PPP2R2B: variants seen among roughly 807,000 people sequenced by gnomAD.
PPP2R2B encodes the protein serine/threonine-protein phosphatase 2A 55 kDa regulatory subunit B beta isoform.
A neutral mutation model predicts 46.0 loss-of-function variants in PPP2R2B; 5 were observed. The observed-to-expected ratio is 0.11, with a 90% CI of 0.06 to 0.23. The LOEUF is 0.23. PPP2R2B is among the 10% of genes least tolerant of loss of function. The pLI, the probability that PPP2R2B is intolerant of heterozygous loss-of-function variation, is 1.00. For synonymous variants in PPP2R2B, 215 were observed against 206.7 expected (o/e 1.04, Z -0.34); for missense variants, 367 against 575.0 (o/e 0.64, Z 3.70).
chr5:147,051,355 C>A (rs1457740986), intron 1 of PPP2R2B, among the ~76,000 whole-genome samples: 1 of 152,246 alleles, frequency 6.6e-6, no homozygotes, highest in South Asian at 2.1e-4. Flanking sequence ...GGGACAGGCA[C>A]AGCCCTTAGC....
intron 2 of PPP2R2B, among the ~76,000 whole-genome samples, chr5:146,837,357 A>G (rs1049120211): frequency 2.0e-5 from 3 of 152,228 alleles, no homozygotes; most frequent in Admixed American, 6.5e-5. Flanking sequence ...CGTGTATTAA[A>G]TGCATTTTTT....
chr5:146,671,145 A>G (rs1424965120), intron 5 of PPP2R2B, among the ~76,000 whole-genome samples: 1 of 152,222 alleles, frequency 6.6e-6, no homozygotes, highest in African/African-American at 2.4e-5. Flanking sequence ...ATTCAATATT[A>G]CTTACAGTTG....
chr5:146,811,727 ATTTTTTTT>A (rs1163716544), intron 2 of PPP2R2B, among the ~76,000 whole-genome samples: 29 of 121,248 alleles, frequency 2.4e-4, no homozygotes, highest in African/African-American at 8.7e-4. Flanking sequence ...CGCCCGGCTA[ATTTTTTTT>A]TTTTTTTTTT....
intron 7 of PPP2R2B, among the ~76,000 whole-genome samples, chr5:146,636,302 G>T (rs1341212959): frequency 4.6e-5 from 7 of 152,148 alleles, no homozygotes; most frequent in Admixed American, 4.6e-4. Flanking sequence ...GGAAGCCATA[G>T]GATAAATGTT....
chr5:146,731,592 C>A (rs1740564193), intron 2 of PPP2R2B, among the ~76,000 whole-genome samples: 1 of 152,130 alleles, frequency 6.6e-6, no homozygotes, highest in Non-Finnish European at 1.5e-5. Context: ...AGGGTCAAAG[C>A]ACATTTCTGC....
At position 146,817,789 on chromosome 5, in the gene PPP2R2B, A is replaced by T. The variant is rs138132462; in HGVS notation, c.70+60213T>A. On this transcript the variant is annotated intron_variant, in intron 2 of 9. Coordinates refer to ENST00000394411, the MANE Select transcript of PPP2R2B (RefSeq NM_181675.4). ...CACTTTACATCTCTCATCTAGGCTC[A>T]GTTTCATTTCTTTGACCAACGGTCA... Among the ~76,000 whole-genome samples, 177 of 152,340 alleles carry T rather than the reference A, an allele frequency of 1.2e-3. 2 individuals are homozygous for T. Among genetic ancestry groups the T allele is most frequent in the African/African-American group, 3.8e-3 (156 of 41,580 alleles).
At chr5:146,993,680 T>C (rs1421257434) in intron 1 of PPP2R2B, among the ~76,000 whole-genome samples, 2 of 152,210 alleles carry the variant, frequency 1.3e-5, no homozygotes, top group African/African-American at 4.8e-5. Flanking sequence ...GTAAAAATGA[T>C]GGCTATAGTA....
intron 2 of PPP2R2B, among the ~76,000 whole-genome samples, chr5:146,855,860 C>G (rs1760627109): frequency 1.3e-5 from 2 of 152,280 alleles, no homozygotes; most frequent in Middle Eastern, 3.4e-3. Context: ...CTAGCAGAAG[C>G]CTTCATGCTA....
chr5:146,925,391 G>A (rs1358844428), intron 1 of PPP2R2B, among the ~76,000 whole-genome samples: 1 of 152,102 alleles, frequency 6.6e-6, no homozygotes. Flanking sequence ...CCTCATTTTT[G>A]AAGGATAGTT....
intron 5 of PPP2R2B, 110 bp downstream of exon 5, chr5:146,691,018 G>GTTCC: frequency 2.3e-6 from 2 of 855,650 alleles, no homozygotes; most frequent in Non-Finnish European, 3.7e-6. Context: ...CTCTGCCTAC[G>GTTCC]TTCCCTCACT....
intron 1 of PPP2R2B, among the ~76,000 whole-genome samples, chr5:146,954,206 G>A (rs986974299): frequency 6.6e-6 from 1 of 150,706 alleles, no homozygotes; most frequent in Non-Finnish European, 1.5e-5. Flanking sequence ...CCTGGAAGGT[G>A]TTTTCTTGGT....
chr5:147,022,390 C>G (rs1315637567), intron 1 of PPP2R2B, among the ~76,000 whole-genome samples: 2 of 148,680 alleles, frequency 1.3e-5, no homozygotes, highest in Non-Finnish European at 2.9e-5. Context: ...AGCCCTGTCT[C>G]TGCTAAAATA....
At chr5:146,723,557 G>A (rs942001026) in intron 2 of PPP2R2B, among the ~76,000 whole-genome samples, 3 of 152,116 alleles carry the variant, frequency 2.0e-5, no homozygotes, top group Admixed American at 1.3e-4. Flanking sequence ...AATAATGCTC[G>A]TTATTGTGAG....
chr5:146,819,662 C>CT (rs34829156), intron 2 of PPP2R2B, among the ~76,000 whole-genome samples: 1 of 151,986 alleles, frequency 6.6e-6, no homozygotes, highest in African/African-American at 2.4e-5. Flanking sequence ...AATGAATTTG[C>CT]TTTTTTTAAA....
intron 2 of PPP2R2B, among the ~76,000 whole-genome samples, chr5:146,776,022 C>G (rs757798017): frequency 2.6e-5 from 4 of 151,998 alleles, no homozygotes; most frequent in Non-Finnish European, 5.9e-5. Flanking sequence ...GATGGGAAGA[C>G]TTAATACTGT....
At chr5:146,811,557 ATTTTTTTTTT>A (rs1178978309) in intron 2 of PPP2R2B, among the ~76,000 whole-genome samples, 1 of 95,744 alleles carries the variant, frequency 1.0e-5, no homozygotes, top group Non-Finnish European at 2.0e-5. Flanking sequence ...TCAACTATGT[ATTTTTTTTTT>A]TTTTTTTTTT....
At chr5:146,645,625 G>T (rs367609820) in intron 6 of PPP2R2B, among the ~76,000 whole-genome samples, 1 of 152,272 alleles carries the variant, frequency 6.6e-6, no homozygotes, top group East Asian at 1.9e-4. Context: ...AAGAGTTGAG[G>T]CTACCTGGTC....
At chr5:146,776,461 G>A (rs996598273) in intron 2 of PPP2R2B, among the ~76,000 whole-genome samples, 1 of 152,010 alleles carries the variant, frequency 6.6e-6, no homozygotes, top group African/African-American at 2.4e-5. Flanking sequence ...TCAAAAGAAT[G>A]AAGTTGGGCC....
At chr5:146,833,288 C>G (rs1043767478) in intron 2 of PPP2R2B, among the ~76,000 whole-genome samples, 3 of 152,102 alleles carry the variant, frequency 2.0e-5, no homozygotes, top group African/African-American at 7.2e-5. Context: ...TTATCTACAT[C>G]CCCAAGTAGA....
Sources: allele counts gnomAD v4.1 joint callset (sites outside exome capture counted in the v4.1 genomes callset), GRCh38; gene constraint gnomAD v4.1.1; transcripts MANE v1.5; gene names NCBI Gene and HGNC (gene_info 2026-07-23, HGNC 2026-07-21).